GLP1R: variants seen among roughly 807,000 people sequenced by gnomAD.
GLP1R encodes glucagon like peptide 1 receptor, also known as glucagon-like peptide 1 receptor.
A neutral mutation model predicts 68.4 loss-of-function variants in GLP1R; 32 were observed. The observed-to-expected ratio is 0.47, with a 90% CI of 0.35 to 0.63. GLP1R has a LOEUF of 0.63. Ranked by LOEUF, GLP1R falls within the 20% of genes least tolerant of loss-of-function variation. The pLI, the probability that GLP1R is intolerant of heterozygous loss-of-function variation, is 0.00. For synonymous variants in GLP1R, 263 were observed against 244.4 expected, an observed-to-expected ratio of 1.08 and a Z score of -0.71; for missense variants, 502 against 594.9, an observed-to-expected ratio of 0.84 and a Z score of 1.62.
rs575136374 is a variant in GLP1R at position 39,090,784 on chromosome 6, G to A, written c.*4711G>A. Among the ~76,000 whole-genome samples the A allele has an allele frequency of 1.4e-4, 21 of 152,286 alleles. No homozygotes were observed. The South Asian group carries it at 4.2e-3, about 30-fold the overall frequency. On this transcript the variant is annotated 3_prime_UTR_variant, in exon 13 of 13. Coordinates refer to ENST00000373256, the MANE Select transcript of GLP1R (RefSeq NM_002062.5). ...CATATCTAAATGAGAATGTTTAGAT[G>A]TGGTGAGAAAAGAGCTCTCACCACA...
In GLP1R at chr6:39,086,219, C is replaced by T; in HGVS notation, c.*146C>T. ...CACACACACACATACATCCTGCTTTCCCTCCCCAAACCCATCAGACAGGTA... is the reference window on the plus strand; with the variant it reads ...CACACACACACATACATCCTGCTTTTCCTCCCCAAACCCATCAGACAGGTA... On this transcript the variant is annotated 3_prime_UTR_variant, in exon 13 of 13. Coordinates refer to ENST00000373256, the MANE Select transcript of GLP1R (RefSeq NM_002062.5). The surrounding 1 kb of genome is among the most constrained non-coding windows in gnomAD (Gnocchi z 4.5). 1 of 645,254 alleles carries T rather than the reference C, an allele frequency of 1.5e-6. No individual in the cohort carries two copies. The allele number at this position is 645,254 out of a possible 1,614,324, so 40.0% of individuals were successfully genotyped here.
chr6:39,080,580 C>T, intron 11 of GLP1R, 118 bp from the exon 12 acceptor site: 1 of 641,844 alleles, frequency 1.6e-6, no homozygotes, highest in Non-Finnish European at 2.8e-6. Context: ...TCTGCCTGGG[C>T]CGCTGGATTT....
chr6:39,071,422 G>A (rs116690339), intron 5 of GLP1R, among the ~76,000 whole-genome samples: 2,018 of 151,540 alleles, frequency 0.013, 39 homozygotes, highest in African/African-American at 0.045. Flanking sequence ...AAAGATGGCC[G>A]TCTATATTTT....
intron 1 of GLP1R, 53 bp from the exon 2 acceptor site, chr6:39,056,344 C>A: frequency 1.1e-6 from 1 of 898,554 alleles, no homozygotes; most frequent in Non-Finnish European, 1.8e-6. Flanking sequence ...GGTGAGGGGG[C>A]AGGAGAGGGG....
intron 5 of GLP1R, among the ~76,000 whole-genome samples, chr6:39,071,541 T>A (rs1314446864): frequency 6.6e-6 from 1 of 152,100 alleles, no homozygotes; most frequent in Non-Finnish European, 1.5e-5. Context: ...TATGTGGAAT[T>A]AGCTGCCTGA....
Position 39,049,019 on chromosome 6 carries a change from C to T in GLP1R, c.78+101C>T. The stretch of plus-strand genomic sequence containing the variant: ...GGGCCCCGGGACTTGAACGAAACTC[C>T]GAGACCGCTGGCGGGGGCATCCGAA... On this transcript the variant is annotated intron_variant, in intron 1 of 12. Coordinates refer to ENST00000373256, the MANE Select transcript of GLP1R (RefSeq NM_002062.5). The surrounding 1 kb of genome is among the most constrained non-coding windows in gnomAD (Gnocchi z 4.5). The T allele has an allele frequency of 3.9e-6, 2 of 514,818 alleles. No individual in the cohort carries two copies. The highest frequency in any genetic ancestry group is 7.1e-5 in the East Asian group (2 of 28,318). 31.9% of individuals were successfully genotyped at this position (514,818 alleles called of 1,614,324 possible). A position where few individuals can be genotyped will look rare whatever the true frequency, so the allele number is the denominator to read the frequency against.
Position 39,057,423 on chromosome 6 carries a change from C to A in GLP1R, c.176-49C>A, listed in dbSNP as rs1768240403. The A allele has an allele frequency of 3.3e-6, 4 of 1,209,612 alleles. No individual in the cohort carries two copies. In the East Asian group the frequency reaches 9.4e-5, roughly 29 times the overall value. The allele number at this position is 1,209,612 out of a possible 1,614,324, so 74.9% of individuals were successfully genotyped here. A position where few individuals can be genotyped will look rare whatever the true frequency, so the allele number is the denominator to read the frequency against. Reference sequence around the variant, plus strand: ...GTCTTGGGGAAGGGAGGGAAAGGGCCATGGCCAGTCACAAGCAGGGACTCA... The same window carrying A: ...GTCTTGGGGAAGGGAGGGAAAGGGCAATGGCCAGTCACAAGCAGGGACTCA... On this transcript the variant is annotated intron_variant, in intron 2 of 12. Transcript: ENST00000373256.
rs200516217 is a variant in GLP1R at position 39,086,385 on chromosome 6, T to A, written c.*312T>A. 6.6e-5 allele frequency: 19 copies of A among 288,968 alleles called. No homozygotes were observed. Among genetic ancestry groups the A allele is most frequent in the African/African-American group, 3.5e-4 (16 of 46,036 alleles). 17.9% of individuals were successfully genotyped at this position (288,968 alleles called of 1,614,324 possible). A position where few individuals can be genotyped will look rare whatever the true frequency, so the allele number is the denominator to read the frequency against. ...TTGCTTCTTGTGAAACCACAGGCCC[T>A]TGGGGTTCCCCCAGACAGAGCCGCA... On this transcript the variant is annotated 3_prime_UTR_variant, in exon 13 of 13. Transcript: ENST00000373256. The surrounding 1 kb of genome is among the most constrained non-coding windows in gnomAD (Gnocchi z 4.5).
At chr6:39,071,276 G>C (rs544275222) in intron 5 of GLP1R, among the ~76,000 whole-genome samples, 5 of 149,790 alleles carry the variant, frequency 3.3e-5, no homozygotes, top group Non-Finnish European at 5.9e-5. Context: ...AACCCAGGAG[G>C]TGGAGGCTGC....
intron 3 of GLP1R, among the ~76,000 whole-genome samples, chr6:39,059,126 G>A (rs1768290096): frequency 6.6e-6 from 1 of 152,214 alleles, no homozygotes; most frequent in South Asian, 2.1e-4. Context: ...GGAGAGCCTG[G>A]GCCTAGAAGG....
chr6:39,079,044 G>C lies in GLP1R; in HGVS notation c.954+18G>C. ...CCATTGGGGTGAGTGATGGTGTCAG[G>C]GATGGGAGTGGCAGCTATGATAGGG... On this transcript the variant is annotated intron_variant, in intron 9 of 12. Transcript: ENST00000373256. This position sits in a 1 kb window ranked among gnomAD's most constrained non-coding sequence, Gnocchi z 4.5. 2 of 1,612,658 alleles carry C rather than the reference G, an allele frequency of 1.2e-6. No individual in the cohort carries two copies. Among genetic ancestry groups the C allele is most frequent in the Non-Finnish European group, 1.7e-6 (2 of 1,178,638 alleles).
At chr6:39,065,105 C>T (rs1768468031) in intron 3 of GLP1R, among the ~76,000 whole-genome samples, 2 of 152,204 alleles carry the variant, frequency 1.3e-5, no homozygotes, top group Non-Finnish European at 2.9e-5. Flanking sequence ...GCAGGTAGGT[C>T]TGTGTCTCCT....
chr6:39,050,896 C>T (rs974271419), intron 1 of GLP1R, among the ~76,000 whole-genome samples: 1 of 152,080 alleles, frequency 6.6e-6, no homozygotes, highest in Non-Finnish European at 1.5e-5. Context: ...CTTGACCTAA[C>T]ACCTCCTACT....
At chr6:39,065,871 T>A in intron 4 of GLP1R, 42 bp downstream of exon 4, 1 of 1,218,486 alleles carries the variant, frequency 8.2e-7, no homozygotes, top group Non-Finnish European at 1.2e-6. Flanking sequence ...CGGGGAGCCA[T>A]GTCTTGGAGC....
Position 39,073,667 on chromosome 6 carries a change from T to TA in GLP1R, c.722dup (p.Tyr241Ter), listed in dbSNP as rs754722650. The change falls in exon 7 of 13, where the codon TAC (tyrosine) becomes TAAC (stop). Residue 241 changes from tyrosine (Y) to a stop codon, truncating the protein, a stop_gained and frameshift_variant. Coordinates refer to ENST00000373256, the MANE Select transcript of GLP1R (RefSeq NM_002062.5). LOFTEE classifies it high-confidence loss of function. The part of the protein sequence containing the change: ...LLMQYCVAAN[Y>*]YWLLVEGVYL... Reference sequence around the variant, plus strand: ...CATGCAGTACTGTGTGGCGGCCAATTACTACTGGCTCTTGGTGGAGGGCGT... The same window carrying TA: ...CATGCAGTACTGTGTGGCGGCCAATTAACTACTGGCTCTTGGTGGAGGGCGT... 6.2e-7 allele frequency: 1 copy of TA among 1,613,688 alleles called. No individual in the cohort carries two copies. The highest frequency in any genetic ancestry group is 1.7e-4 in the Middle Eastern group (1 of 6,060).
In GLP1R at chr6:39,086,227, A is replaced by G; in HGVS notation, c.*154A>G. 3.2e-6 allele frequency: 2 copies of G among 624,856 alleles called. No homozygotes were observed. The highest frequency in any genetic ancestry group is 5.4e-6 in the Non-Finnish European group (2 of 369,374). 38.7% of individuals were successfully genotyped at this position (624,856 alleles called of 1,614,324 possible). Reference sequence around the variant, plus strand: ...CACATACATCCTGCTTTCCCTCCCCAAACCCATCAGACAGGTAAATGGGCA... The same window carrying G: ...CACATACATCCTGCTTTCCCTCCCCGAACCCATCAGACAGGTAAATGGGCA... On this transcript the variant is annotated 3_prime_UTR_variant, in exon 13 of 13. Coordinates refer to ENST00000373256, the MANE Select transcript of GLP1R (RefSeq NM_002062.5). This position sits in a 1 kb window ranked among gnomAD's most constrained non-coding sequence, Gnocchi z 4.5.
rs1315758112 is a variant in GLP1R at position 39,090,751 on chromosome 6, A to G, written c.*4678A>G. 6.6e-6 allele frequency among the ~76,000 whole-genome samples: 1 copy of G among 152,220 alleles called. No individual in the cohort carries two copies. Among genetic ancestry groups the G allele is most frequent in the African/African-American group, 2.4e-5 (1 of 41,462 alleles). On this transcript the variant is annotated 3_prime_UTR_variant, in exon 13 of 13. Transcript: ENST00000373256. ...TTGCTGTGTCAAAGCAATTCAGGACAAGAAAAACATATCTAAATGAGAATG... is the reference window on the plus strand; with the variant it reads ...TTGCTGTGTCAAAGCAATTCAGGACGAGAAAAACATATCTAAATGAGAATG...
In GLP1R at chr6:39,090,162, C is replaced by T. The variant is rs771106738; in HGVS notation, c.*4089C>T. Reference sequence around the variant, plus strand: ...TCAGCTCTCTGGGTCTGCAGAGGGCCGAGACAGGAAGCATTATTAAGCAGT... The same window carrying T: ...TCAGCTCTCTGGGTCTGCAGAGGGCTGAGACAGGAAGCATTATTAAGCAGT... On this transcript the variant is annotated 3_prime_UTR_variant, in exon 13 of 13. Coordinates refer to ENST00000373256, the MANE Select transcript of GLP1R (RefSeq NM_002062.5). 4.6e-5 allele frequency among the ~76,000 whole-genome samples: 7 copies of T among 152,198 alleles called. No individual in the cohort carries two copies. The East Asian group carries it at 5.8e-4, about 13-fold the overall frequency.
chr6:39,052,267 AAAAG>A (rs527848359), intron 1 of GLP1R, among the ~76,000 whole-genome samples: 1 of 152,102 alleles, frequency 6.6e-6, no homozygotes, highest in Admixed American at 6.5e-5. Flanking sequence ...CTTTTGAAAA[AAAAG>A]AAAGAAAGAA....
Sources: allele counts gnomAD v4.1 joint callset (sites outside exome capture counted in the v4.1 genomes callset), GRCh38; gene constraint gnomAD v4.1.1; non-coding constraint Gnocchi (gnomAD v3.1); transcripts MANE v1.5; gene names NCBI Gene and HGNC (gene_info 2026-07-23, HGNC 2026-07-21).